Variants in MAPK14 observed in about 807,000 individuals in gnomAD.
MAPK14 encodes CSAID-binding protein.
Under a neutral mutation model 49.6 loss-of-function variants are expected in MAPK14, and 16 were observed. That is an observed-to-expected ratio of 0.32 (90% CI 0.22 to 0.49). MAPK14 has a LOEUF of 0.49. Among genes scored for constraint, MAPK14 ranks in the 20% least tolerant of loss-of-function variants. The pLI, the probability that MAPK14 is intolerant of heterozygous loss-of-function variation, is 0.99. For missense variants in MAPK14, 200 were observed against 441.2 expected (o/e 0.45, Z 4.90); for synonymous variants, 142 against 158.0 (o/e 0.90, Z 0.76).
At chr6:36,076,405 G>A in intron 7 of MAPK14, 132 bp from the exon 8 acceptor site, 2 of 684,924 alleles carry the variant, frequency 2.9e-6, no homozygotes, top group South Asian at 3.6e-5. Flanking sequence ...CTGTAAAAAT[G>A]AGTATGATTG....
intron 8 of MAPK14, among the ~76,000 whole-genome samples, chr6:36,089,045 C>T (rs1008630514): frequency 7.2e-5 from 11 of 152,172 alleles, no homozygotes; most frequent in Non-Finnish European, 7.4e-5. Flanking sequence ...CCAGCAATCC[C>T]ATTACTGGGT....
chr6:36,030,453 C>T (rs1762494471), intron 1 of MAPK14, among the ~76,000 whole-genome samples: 1 of 152,086 alleles, frequency 6.6e-6, no homozygotes. Context: ...TTTGGGAGGC[C>T]GAGGCGGGTG....
chr6:36,082,634 T>C (rs1241103035), intron 8 of MAPK14, among the ~76,000 whole-genome samples: 1 of 151,992 alleles, frequency 6.6e-6, no homozygotes, highest in Non-Finnish European at 1.5e-5. Flanking sequence ...ACAACCAGCA[T>C]TTGCATGAAC....
chr6:36,045,116 G>C (rs1325746049), intron 1 of MAPK14, among the ~76,000 whole-genome samples: 1 of 151,064 alleles, frequency 6.6e-6, no homozygotes, highest in Admixed American at 6.6e-5. Flanking sequence ...CTGGATGACA[G>C]AGTGAGACCT....
chr6:36,118,587 C>G, the MAPK14 span, among the ~76,000 whole-genome samples: 1 of 152,246 alleles, frequency 6.6e-6, no homozygotes, highest in African/African-American at 2.4e-5. Flanking sequence ...ACCTGATCAG[C>G]TGGCTCCACT....
rs189833548 is a variant in MAPK14 at position 36,067,194 on chromosome 6, C to A, written c.306-5679C>A. On this transcript the variant is annotated intron_variant, in intron 3 of 11. Coordinates refer to ENST00000229794, the MANE Select transcript of MAPK14 (RefSeq NM_139012.3). ...GCCTGACATGATCAATAAGATGCCA[C>A]CTTTTTCTCAGATTAGCTAGTTTTA... Among the ~76,000 whole-genome samples, 286 of 152,178 alleles carry A rather than the reference C, an allele frequency of 1.9e-3. 3 individuals are homozygous for A. The Middle Eastern group carries it at 0.02, about 11-fold the overall frequency.
chr6:36,034,121 G>A (rs1581725371), intron 1 of MAPK14, among the ~76,000 whole-genome samples: 1 of 152,148 alleles, frequency 6.6e-6, no homozygotes, highest in South Asian at 2.1e-4. Context: ...TGAGTCACTC[G>A]GAATAGAGCT....
the MAPK14 span, among the ~76,000 whole-genome samples, chr6:36,120,077 CACT>C: frequency 6.6e-6 from 1 of 152,136 alleles, no homozygotes; most frequent in Non-Finnish European, 1.5e-5. Context: ...CCGGTTCCAC[CACT>C]GACACTGTGT....
intron 8 of MAPK14, among the ~76,000 whole-genome samples, chr6:36,083,608 A>C (rs192813623): frequency 1.0e-3 from 159 of 152,314 alleles, no homozygotes; most frequent in African/African-American, 3.7e-3. Flanking sequence ...CTGACTCTTT[A>C]GGCTGAACTC....
chr6:36,120,062 T>C, the MAPK14 span, among the ~76,000 whole-genome samples: 6 of 152,202 alleles, frequency 3.9e-5, no homozygotes, highest in Non-Finnish European at 1.5e-5. Context: ...GCTTAGGTTC[T>C]AATCCCGGTT....
At chr6:36,114,472 G>A (rs2127481018), downstream of MAPK14, among the ~76,000 whole-genome samples, 1 of 151,026 alleles carries the variant, frequency 6.6e-6, no homozygotes, top group South Asian at 2.1e-4. Context: ...CAAAAAATTA[G>A]CCGGGCTTGG....
intron 8 of MAPK14, among the ~76,000 whole-genome samples, chr6:36,093,175 C>A (rs895631028): frequency 6.6e-6 from 1 of 152,046 alleles, no homozygotes; most frequent in East Asian, 1.9e-4. Context: ...CCTGGAATAT[C>A]TGATGTGAGT....
chr6:36,107,374 CA>C lies in MAPK14; in HGVS notation c.842-77del. The C allele has an allele frequency of 9.8e-7, 1 of 1,017,590 alleles. No individual in the cohort carries two copies. Among genetic ancestry groups the C allele is most frequent in the African/African-American group, 1.6e-5 (1 of 62,510 alleles). The allele number at this position is 1,017,590 out of a possible 1,614,324, so 63.0% of individuals were successfully genotyped here. On this transcript the variant is annotated intron_variant, in intron 10 of 11. Transcript: ENST00000229794. The surrounding 1 kb of genome is among the most constrained non-coding windows in gnomAD (Gnocchi z 4.3). ...AGTTCTTTGTTTGGATATGAAGGGT[CA>C]AAACTATGTTTGCTCAATAAGGCAT...
At chr6:36,054,233 G>A (rs1391441766) in intron 2 of MAPK14, among the ~76,000 whole-genome samples, 1 of 152,180 alleles carries the variant, frequency 6.6e-6, no homozygotes, top group Admixed American at 6.5e-5. Flanking sequence ...CAGTGTCACA[G>A]CTTTGCAAGT....
intron 8 of MAPK14, among the ~76,000 whole-genome samples, chr6:36,087,891 C>T (rs898119030): frequency 3.9e-5 from 6 of 152,132 alleles, no homozygotes; most frequent in South Asian, 2.1e-4. Context: ...AACTATACTA[C>T]GAGGCTACAG....
chr6:36,092,051 G>T, intron 8 of MAPK14: 2 of 477,378 alleles, frequency 4.2e-6, no homozygotes, highest in South Asian at 1.6e-5. Context: ...GCTAGAGCAT[G>T]GGAATAGACT....
At position 36,036,601 on chromosome 6, in the gene MAPK14, T is replaced by C. The variant is rs373790831; in HGVS notation, c.116+8328T>C. ...TAGTCATTCCAGTCTTCAGCAGTTATCACCCTGAGTAGTCAGCAGCCATCA... is the reference window on the plus strand; with the variant it reads ...TAGTCATTCCAGTCTTCAGCAGTTACCACCCTGAGTAGTCAGCAGCCATCA... On this transcript the variant is annotated intron_variant, in intron 1 of 11. Coordinates refer to ENST00000229794, the MANE Select transcript of MAPK14 (RefSeq NM_139012.3). 1.3e-3 allele frequency among the ~76,000 whole-genome samples: 191 copies of C among 152,256 alleles called. 4 individuals are homozygous for C. The South Asian group carries it at 0.038, about 31-fold the overall frequency.
chr6:36,039,263 C>G (rs1022351455), intron 1 of MAPK14, among the ~76,000 whole-genome samples: 3 of 152,152 alleles, frequency 2.0e-5, no homozygotes, highest in Admixed American at 1.3e-4. Flanking sequence ...ATAAGTTTTC[C>G]TGCAAACATA....
intron 8 of MAPK14, 50 bp from the exon 9 acceptor site, chr6:36,095,936 GT>G: frequency 8.7e-7 from 1 of 1,155,222 alleles, no homozygotes; most frequent in Non-Finnish European, 1.3e-6. Flanking sequence ...GTCATTGTTT[GT>G]TTTTCATTTT....
Sources: allele counts gnomAD v4.1 joint callset (sites outside exome capture counted in the v4.1 genomes callset), GRCh38; gene constraint gnomAD v4.1.1; non-coding constraint Gnocchi (gnomAD v3.1); transcripts MANE v1.5; gene names NCBI Gene and HGNC (gene_info 2026-07-23, HGNC 2026-07-21).